Variants in ACSL5 observed in about 807,000 individuals in gnomAD.
ACSL5 encodes acyl-CoA synthetase long chain family member 5.
In ACSL5, 50 loss-of-function variants were observed where a neutral mutation model predicts 84.9. That is an observed-to-expected ratio of 0.59 (90% confidence interval 0.47 to 0.75). The LOEUF is 0.75. ACSL5 is among the 30% of genes least tolerant of loss of function. The pLI, the probability that ACSL5 is intolerant of heterozygous loss-of-function variation, is 0.00. For synonymous variants in ACSL5, 280 were observed against 300.7 expected, an observed-to-expected ratio of 0.93 and a Z score of 0.71; for missense variants, 775 against 830.4, an observed-to-expected ratio of 0.93 and a Z score of 0.82.
intron 12 of ACSL5, among the ~76,000 whole-genome samples, chr10:112,414,492 T>G (rs1844271068): frequency 6.6e-6 from 1 of 151,842 alleles, no homozygotes; most frequent in South Asian, 2.1e-4. Context: ...AGAGCTGGGA[T>G]TATAGGCGTG....
intron 1 of ACSL5, 136 bp from the exon 2 acceptor site, chr10:112,394,782 G>A: frequency 6.7e-7 from 1 of 1,489,980 alleles, no homozygotes; most frequent in South Asian, 1.4e-5. Flanking sequence ...AGGTACAACT[G>A]TGTTTGAGGG....
At chr10:112,392,095 C>T (rs1374261465) in intron 1 of ACSL5, among the ~76,000 whole-genome samples, 4 of 152,166 alleles carry the variant, frequency 2.6e-5, no homozygotes, top group African/African-American at 9.7e-5. Context: ...CCATTTTTTT[C>T]CATAGTCGAA....
At chr10:112,394,816 G>T in intron 1 of ACSL5, 102 bp from the exon 2 acceptor site, 4 of 1,525,592 alleles carry the variant, frequency 2.6e-6, no homozygotes, top group Middle Eastern at 1.8e-4. Context: ...GCGCGTGTGT[G>T]TGTGTATGTG....
intron 1 of ACSL5, among the ~76,000 whole-genome samples, chr10:112,393,747 C>T (rs1843689880): frequency 1.3e-5 from 2 of 152,154 alleles, no homozygotes; most frequent in Non-Finnish European, 2.9e-5. Context: ...AAATTCAATC[C>T]CCTTGAATTC....
At chr10:112,382,356 C>G (rs1849366990) in intron 1 of ACSL5, among the ~76,000 whole-genome samples, 1 of 152,250 alleles carries the variant, frequency 6.6e-6, no homozygotes. Context: ...GCCTTTCTCT[C>G]AAATTGTGCC....
At chr10:112,400,859 T>C (rs539014633) in intron 3 of ACSL5, among the ~76,000 whole-genome samples, 2 of 152,310 alleles carry the variant, frequency 1.3e-5, no homozygotes, top group African/African-American at 4.8e-5. Context: ...TGCTCAGCTC[T>C]AGTGATTTTC....
At chr10:112,423,054 G>T (rs1364513912) in intron 17 of ACSL5, among the ~76,000 whole-genome samples, 1 of 136,846 alleles carries the variant, frequency 7.3e-6, no homozygotes, top group African/African-American at 2.7e-5. Context: ...TGGGCGTGGT[G>T]GTGGGCGCCT....
At chr10:112,400,617 C>G (rs1843862294) in intron 3 of ACSL5, among the ~76,000 whole-genome samples, 1 of 151,948 alleles carries the variant, frequency 6.6e-6, no homozygotes, top group South Asian at 2.1e-4. Context: ...CCATCTTGGC[C>G]AGGCTGGTCC....
At position 112,388,810 on chromosome 10, in the gene ACSL5, G is replaced by A. The variant is rs995884605; in HGVS notation, c.-29-6108G>A. ...AGGTGATCAGAAACAGTGAGCCTCC[G>A]AGGAAGTGACATTTGAGGTGAGGCC... On this transcript the variant is annotated intron_variant, in intron 1 of 20. Coordinates refer to ENST00000354655, the MANE Select transcript of ACSL5 (RefSeq NM_203379.2). Among the ~76,000 whole-genome samples the A allele has an allele frequency of 5.7e-4, 87 of 152,120 alleles. 1 individual carries two copies. Among genetic ancestry groups the A allele is most frequent in the Admixed American group, 5.3e-3 (81 of 15,278 alleles).
At position 112,394,927 on chromosome 10, in the gene ACSL5, TC is replaced by T. The variant is rs1564733983; in HGVS notation, c.-18del. The T allele has an allele frequency of 1.9e-6, 3 of 1,613,094 alleles. 1 individual carries two copies. The highest frequency in any genetic ancestry group is 2.5e-6 in the Non-Finnish European group (3 of 1,179,948). On this transcript the variant is annotated 5_prime_UTR_variant, in exon 2 of 21. Coordinates refer to ENST00000354655, the MANE Select transcript of ACSL5 (RefSeq NM_203379.2). ...CTGTTTTTTTTTTAAGGTCTGAATT[TC>T]CTGCTGCTGTTCACAAAGATGCTTT...
At chr10:112,379,581 C>G (rs1202500005) in intron 1 of ACSL5, among the ~76,000 whole-genome samples, 1 of 152,040 alleles carries the variant, frequency 6.6e-6, no homozygotes, top group Non-Finnish European at 1.5e-5. Context: ...GAAAGGGGAG[C>G]TAGATTTGAT....
intron 5 of ACSL5, among the ~76,000 whole-genome samples, chr10:112,405,982 C>T (rs1844027010): frequency 6.6e-6 from 1 of 151,882 alleles, no homozygotes; most frequent in Non-Finnish European, 1.5e-5. Flanking sequence ...GTCTTGCTGT[C>T]TCAGACCTGG....
At chr10:112,423,110 C>G (rs995041004) in intron 17 of ACSL5, among the ~76,000 whole-genome samples, 1 of 129,894 alleles carries the variant, frequency 7.7e-6, no homozygotes, top group East Asian at 2.4e-4. Context: ...ATGGCTTGAA[C>G]CCAGGAGGCG....
chr10:112,413,112 GA>G lies in ACSL5; in HGVS notation c.949-60del. 7 of 1,585,888 alleles carry G rather than the reference GA, an allele frequency of 4.4e-6. No individual in the cohort carries two copies. In the South Asian group the frequency reaches 8.0e-5, roughly 18 times the overall value. ...AGCCCACCTCCTGAATTCCTTCCAAGACAGGTCCCCACTAAAGGGGTTGTTT... is the reference window on the plus strand; with the variant it reads ...AGCCCACCTCCTGAATTCCTTCCAAGCAGGTCCCCACTAAAGGGGTTGTTT... On this transcript the variant is annotated intron_variant, in intron 11 of 20. Transcript: ENST00000354655.
intron 3 of ACSL5, among the ~76,000 whole-genome samples, chr10:112,403,592 A>C (rs914733593): frequency 6.6e-6 from 1 of 152,246 alleles, no homozygotes; most frequent in Non-Finnish European, 1.5e-5. Flanking sequence ...AGCCTTGAAG[A>C]AAGTTTTTAA....
At chr10:112,385,673 T>A (rs181995275) in intron 1 of ACSL5, among the ~76,000 whole-genome samples, 16 of 152,350 alleles carry the variant, frequency 1.1e-4, no homozygotes, top group Admixed American at 9.2e-4. Context: ...GGTTATATTT[T>A]GTTTTTCATT....
intron 3 of ACSL5, among the ~76,000 whole-genome samples, chr10:112,400,400 T>C (rs1316705312): frequency 8.0e-6 from 1 of 125,334 alleles, no homozygotes; most frequent in Non-Finnish European, 1.7e-5. Flanking sequence ...TTCCTTTTTT[T>C]CTTTTCTTTT....
At position 112,425,527 on chromosome 10, in the gene ACSL5, C is replaced by G. The variant is rs1355391031; in HGVS notation, c.1737+46C>G. The G allele has an allele frequency of 4.0e-6, 6 of 1,482,472 alleles. No homozygotes were observed. In the South Asian group the frequency reaches 8.5e-5, roughly 21 times the overall value. 91.8% of individuals were successfully genotyped at this position (1,482,472 alleles called of 1,614,324 possible). A position where few individuals can be genotyped will look rare whatever the true frequency, so the allele number is the denominator to read the frequency against. On this transcript the variant is annotated intron_variant, in intron 18 of 20. Transcript: ENST00000354655. Reference sequence around the variant, plus strand: ...TAGCCCATTTCAGTCACAAACCATGCTGGTTCTTGTAGCTACAGGAAATTT... The same window carrying G: ...TAGCCCATTTCAGTCACAAACCATGGTGGTTCTTGTAGCTACAGGAAATTT...
chr10:112,417,844 A>T lies in ACSL5; in HGVS notation c.1219-2A>T. On this transcript the variant is annotated splice_acceptor_variant, in intron 13 of 20. Transcript: ENST00000354655. LOFTEE classifies it high-confidence loss of function. Reference sequence around the variant, plus strand: ...AGTATGTCTTTTGTTTCCACTGAACAGGACAGCCTGGGCGGAAGGGTTCGT... The same window carrying T: ...AGTATGTCTTTTGTTTCCACTGAACTGGACAGCCTGGGCGGAAGGGTTCGT... The T allele has an allele frequency of 6.2e-7, 1 of 1,613,998 alleles. No homozygotes were observed. The highest frequency in any genetic ancestry group is 8.5e-7 in the Non-Finnish European group (1 of 1,179,860).
Sources: allele counts gnomAD v4.1 joint callset (sites outside exome capture counted in the v4.1 genomes callset), GRCh38; gene constraint gnomAD v4.1.1; transcripts MANE v1.5; gene names NCBI Gene and HGNC (gene_info 2026-07-23, HGNC 2026-07-21).